The following CASZ1 variants were observed in gnomAD, a reference collection of about 807,000 sequenced individuals.
CASZ1 encodes the protein zinc finger protein castor homolog 1.
CASZ1 carries 28 observed loss-of-function variants against 135.2 expected under a neutral mutation model. The observed-to-expected ratio is 0.21, with a 90% confidence interval of 0.15 to 0.28. The LOEUF is 0.28. Ranked by LOEUF, CASZ1 falls within the 10% of genes least tolerant of loss-of-function variation. CASZ1 has a pLI of 1.00. For synonymous variants in CASZ1, 1,068 were observed against 1,073.4 expected (o/e 0.99, Z 0.10); for missense variants, 2,161 against 2,453.3 (o/e 0.88, Z 2.52).
chr1:10,787,588 G>A (rs1194193341), intron 1 of CASZ1, among the ~76,000 whole-genome samples: 1 of 152,144 alleles, frequency 6.6e-6, no homozygotes, highest in African/African-American at 2.4e-5. Context: ...CTGGGGAAGG[G>A]TGCCAGCCTG....
At chr1:10,672,815 C>A (rs1487452979) in intron 4 of CASZ1, among the ~76,000 whole-genome samples, 3 of 152,226 alleles carry the variant, frequency 2.0e-5, no homozygotes, top group African/African-American at 7.2e-5. Context: ...TCCACGCCTG[C>A]GAGAGACACA....
In CASZ1 at chr1:10,692,717, T is replaced by G. The variant is rs141506611; in HGVS notation, c.16+1157A>C. ...CCGGCCACCGTGCCACCCATCCTCA[T>G]CCCCTCAGGGCTGCCTCCGGTCTCT... On this transcript the variant is annotated intron_variant, in intron 4 of 20. Transcript: ENST00000377022. Among the ~76,000 whole-genome samples the G allele has an allele frequency of 4.8e-3, 730 of 152,190 alleles. 9 individuals carry two copies. The highest frequency in any genetic ancestry group is 0.017 in the African/African-American group (708 of 41,508).
chr1:10,647,750 C>A lies in CASZ1; in HGVS notation c.3497+51G>T, dbSNP rs1642408693. ...CTCCTAGCGCCCTTGCTAGCACCTA[C>A]TCCCGAGACGCGAGGGGAACGCGGG... On this transcript the variant is annotated intron_variant, in intron 16 of 20. Transcript: ENST00000377022. This position sits in a 1 kb window ranked among gnomAD's most constrained non-coding sequence, Gnocchi z 4.9. The A allele has an allele frequency of 3.1e-6, 5 of 1,608,388 alleles. No homozygotes were observed. Among genetic ancestry groups the A allele is most frequent in the South Asian group, 1.1e-5 (1 of 90,898 alleles).
intron 2 of CASZ1, among the ~76,000 whole-genome samples, chr1:10,733,310 A>T (rs1454850627): frequency 6.6e-6 from 1 of 152,178 alleles, no homozygotes; most frequent in Non-Finnish European, 1.5e-5. Context: ...GCTCAGGGAC[A>T]CACAGGCTCT....
At position 10,721,571 on chromosome 1, in the gene CASZ1, G is replaced by A. The variant is rs963283300; in HGVS notation, c.-76-16027C>T. On this transcript the variant is annotated intron_variant, in intron 2 of 20. Coordinates refer to ENST00000377022, the MANE Select transcript of CASZ1 (RefSeq NM_001079843.3). This position sits in a 1 kb window ranked among gnomAD's most constrained non-coding sequence, Gnocchi z 5.4. ...GGACTGGTTCCATGCGGGCATCAAG[G>A]AGAAACAGGGCAACTGGCTACCTGC... Among the ~76,000 whole-genome samples, 2 of 152,182 alleles carry A rather than the reference G, an allele frequency of 1.3e-5. No individual in the cohort carries two copies. Among genetic ancestry groups the A allele is most frequent in the Non-Finnish European group, 2.9e-5 (2 of 68,032 alleles).
chr1:10,662,358 C>T (rs957989045), intron 5 of CASZ1, among the ~76,000 whole-genome samples: 9 of 151,770 alleles, frequency 5.9e-5, no homozygotes, highest in Admixed American at 2.6e-4. Context: ...ACATACAACA[C>T]ACATGTGCAT....
chr1:10,713,031 C>A (rs1639316002), intron 2 of CASZ1, among the ~76,000 whole-genome samples: 1 of 152,236 alleles, frequency 6.6e-6, no homozygotes, highest in African/African-American at 2.4e-5. Context: ...AGCTCCTGCC[C>A]CCGCCCTCCT....
intron 3 of CASZ1, 87 bp from the exon 4 acceptor site, chr1:10,693,999 TC>T: frequency 7.6e-7 from 1 of 1,318,768 alleles, no homozygotes; most frequent in Admixed American, 1.9e-5. Flanking sequence ...GCCCTGCTTG[TC>T]CCCCGCCCCG....
At chr1:10,654,341 G>A in intron 10 of CASZ1, 78 bp downstream of exon 10, 1 of 1,582,800 alleles carries the variant, frequency 6.3e-7, no homozygotes, top group Non-Finnish European at 8.6e-7. Context: ...GCAGGGGCCT[G>A]AGCCGTCCCA....
chr1:10,705,969 C>T (rs1316080424), intron 2 of CASZ1, among the ~76,000 whole-genome samples: 1 of 152,216 alleles, frequency 6.6e-6, no homozygotes, highest in Non-Finnish European at 1.5e-5. Context: ...GCAGCAACTG[C>T]TCCTTTACTC....
intron 4 of CASZ1, among the ~76,000 whole-genome samples, chr1:10,675,748 T>C (rs1489256590): frequency 1.3e-5 from 2 of 152,000 alleles, no homozygotes; most frequent in Non-Finnish European, 2.9e-5. Flanking sequence ...CTGGCCCCTA[T>C]TAAGCATGGG....
chr1:10,737,773 G>A (rs1403551156), intron 2 of CASZ1, among the ~76,000 whole-genome samples: 1 of 152,218 alleles, frequency 6.6e-6, no homozygotes, highest in Non-Finnish European at 1.5e-5. Context: ...GCCCAAAGGA[G>A]CGACAGTGGG....
In CASZ1 at chr1:10,694,339, C is replaced by T. The variant is rs960024634; in HGVS notation, c.-23-427G>A. ...AAGCCGAATTCACTTAAATAATCAA[C>T]TTTCATAATACTTAATTAATGCCTA... is the stretch of plus-strand genomic sequence containing the variant. On this transcript the variant is annotated intron_variant, in intron 3 of 20. Transcript: ENST00000377022. The surrounding 1 kb of genome is among the most constrained non-coding windows in gnomAD (Gnocchi z 6.6). 7.8e-6 allele frequency: 9 copies of T among 1,154,904 alleles called. No individual in the cohort carries two copies. The Admixed American group carries it at 2.7e-4, about 35-fold the overall frequency. The allele number at this position is 1,154,904 out of a possible 1,614,324, so 71.5% of individuals were successfully genotyped here.
chr1:10,742,989 A>C (rs1285610665), intron 2 of CASZ1, among the ~76,000 whole-genome samples: 2 of 148,044 alleles, frequency 1.4e-5, no homozygotes, highest in Non-Finnish European at 2.9e-5. Context: ...CATCTCACAA[A>C]AAAGAAGAAA....
In CASZ1 at chr1:10,653,446, C is replaced by T. The variant is rs139084217; in HGVS notation, c.2611G>A (p.Gly871Ser). The T allele has an allele frequency of 1.1e-5, 18 of 1,613,218 alleles. No homozygotes were observed. The highest frequency in any genetic ancestry group is 8.3e-5 in the Admixed American group (5 of 60,010). Residue 871 changes from glycine to serine, a missense_variant, in exon 11 of 21, where the codon GGC (glycine) becomes AGC (serine). Gly to Ser is a moderately conservative substitution (Grantham distance 56, BLOSUM62 0). This residue lies in a region of CASZ1 where 406 missense variants were observed against 387.6 expected (regional missense o/e 1.05). Transcript: ENST00000377022. The stretch of plus-strand genomic sequence containing the variant: ...CTGGCCATCATGGGCGAGATGAGGC[C>T]CTTGCTTGCAGAGATCCTCTCCATG... ...SIMERISASK[G>S]LISPMMARLA...
intron 4 of CASZ1, among the ~76,000 whole-genome samples, chr1:10,674,975 A>C (rs1278126563): frequency 6.6e-6 from 1 of 152,124 alleles, no homozygotes; most frequent in Non-Finnish European, 1.5e-5. Flanking sequence ...GTGGGGATGC[A>C]AGGGGAGCGC....
At position 10,645,049 on chromosome 1, in the gene CASZ1, G is replaced by A. The variant is rs200616848; in HGVS notation, c.3736C>T (p.Arg1246Cys). The A allele has an allele frequency of 2.8e-4, 452 of 1,614,058 alleles. No homozygotes were observed. Among genetic ancestry groups the A allele is most frequent in the Middle Eastern group, 4.9e-4 (3 of 6,062 alleles). ...FRMRGHYHCL[R>C]TGCYFVTNIT... ...TTGGTCACAAAATAGCAGCCGGTGCGGAGGCAGTGGTAGTGCCCACGCATT... is the reference window on the plus strand; with the variant it reads ...TTGGTCACAAAATAGCAGCCGGTGCAGAGGCAGTGGTAGTGCCCACGCATT... Residue 1246 changes from arginine (R) to cysteine (C), a missense_variant, in exon 18 of 21, where the codon CGC (arginine) becomes TGC (cysteine). Around this residue, in one of 7 missense-constraint regions of CASZ1, gnomAD observed 349 missense variants for 460.8 expected, o/e 0.76. Transcript: ENST00000377022.
Position 10,786,208 on chromosome 1 carries a change from TC to T in CASZ1, c.-234+10355del, listed in dbSNP as rs552604849. On this transcript the variant is annotated intron_variant, in intron 1 of 20. Transcript: ENST00000377022. ...ACCCTGGCCTTCTGTCCCAAACAGC[TC>T]CCATGATGACCCACCTCACCCCACC... 1.5e-4 allele frequency among the ~76,000 whole-genome samples: 23 copies of T among 151,502 alleles called. No homozygotes were observed. The South Asian group carries it at 3.4e-3, about 22-fold the overall frequency.
chr1:10,658,502 G>A lies in CASZ1; in HGVS notation c.1409+6C>T. 1.2e-6 allele frequency: 2 copies of A among 1,612,186 alleles called. No individual in the cohort carries two copies. The highest frequency in any genetic ancestry group is 1.7e-6 in the Non-Finnish European group (2 of 1,178,428). ...CTCCACGGCAGGCTCCTCCCCAGGG[G>A]CCTACCTGGCAATATATTTCTGGTA... On this transcript the variant is annotated splice_donor_region_variant and intron_variant, in intron 7 of 20. Coordinates refer to ENST00000377022, the MANE Select transcript of CASZ1 (RefSeq NM_001079843.3).
Sources: allele counts gnomAD v4.1 joint callset (sites outside exome capture counted in the v4.1 genomes callset), GRCh38; gene constraint gnomAD v4.1.1; regional missense constraint gnomAD v4.1.1; non-coding constraint Gnocchi (gnomAD v3.1); transcripts MANE v1.5; gene names NCBI Gene and HGNC (gene_info 2026-07-23, HGNC 2026-07-21).